Variants in PPP4R4 observed in about 807,000 individuals in gnomAD.
The protein encoded by PPP4R4 is serine/threonine-protein phosphatase 4 regulatory subunit 4.
In PPP4R4, 70 loss-of-function variants were observed where a neutral mutation model predicts 121.8. That is an observed-to-expected ratio of 0.57 (90% CI 0.47 to 0.70). The LOEUF (loss-of-function observed/expected upper bound fraction) is 0.70. PPP4R4 is among the 30% of genes least tolerant of loss of function. The probability of loss-of-function intolerance (pLI) is 0.00; values close to 1 mark genes in which losing one functional copy is unlikely to be tolerated. For synonymous variants in PPP4R4, 348 were observed against 355.7 expected (o/e 0.98, Z 0.24); for missense variants, 875 against 1,033.6 (o/e 0.85, Z 2.10).
At chr14:94,187,100 G>T (rs1039867730) in intron 2 of PPP4R4, among the ~76,000 whole-genome samples, 4 of 151,990 alleles carry the variant, frequency 2.6e-5, no homozygotes, top group Non-Finnish European at 4.4e-5. Context: ...AGATCACAAG[G>T]CAGGAGTTTG....
intron 2 of PPP4R4, among the ~76,000 whole-genome samples, chr14:94,202,451 A>C (rs1029426176): frequency 6.6e-6 from 1 of 152,240 alleles, no homozygotes; most frequent in Non-Finnish European, 1.5e-5. Context: ...GTAATGGTCA[A>C]CATCCCTGCC....
chr14:94,228,546 A>G (rs1040014060), intron 3 of PPP4R4, among the ~76,000 whole-genome samples: 1 of 152,202 alleles, frequency 6.6e-6, no homozygotes, highest in Non-Finnish European at 1.5e-5. Flanking sequence ...CATGATAGAA[A>G]GAGGATTGAG....
intron 2 of PPP4R4, among the ~76,000 whole-genome samples, chr14:94,177,202 C>T (rs1888725738): frequency 6.6e-6 from 1 of 152,112 alleles, no homozygotes; most frequent in East Asian, 1.9e-4. Flanking sequence ...TAGACCATTC[C>T]CTCTGATAAT....
At chr14:94,186,801 A>G (rs1451856249) in intron 2 of PPP4R4, among the ~76,000 whole-genome samples, 1 of 152,122 alleles carries the variant, frequency 6.6e-6, no homozygotes, top group Non-Finnish European at 1.5e-5. Context: ...AGTGGTGTGT[A>G]GTGTTATTTC....
chr14:94,245,596 G>A lies in PPP4R4; in HGVS notation c.1354G>A (p.Ala452Thr), dbSNP rs1458377466. Residue 452 changes from alanine (A) to threonine (T), a missense_variant, in exon 13 of 25, where the codon GCT becomes ACT. By Grantham distance (58) the Ala-to-Thr change is moderately conservative. Coordinates refer to ENST00000304338, the MANE Select transcript of PPP4R4 (RefSeq NM_058237.2). ...LQDESLEVLD[A>T]LIDHLPEILE... ...ATATCTCTGTTAAAAGGTACTAGAT[G>A]CTCTTATAGATCATCTTCCAGAAAT... 1.3e-6 allele frequency: 2 copies of A among 1,577,758 alleles called. No homozygotes were observed. Among genetic ancestry groups the A allele is most frequent in the Non-Finnish European group, 1.7e-6 (2 of 1,151,134 alleles).
intron 16 of PPP4R4, among the ~76,000 whole-genome samples, chr14:94,253,449 G>A (rs1893300319): frequency 6.6e-6 from 1 of 152,178 alleles, no homozygotes; most frequent in African/African-American, 2.4e-5. Context: ...GACAGAGCAA[G>A]ACTTCGTCTC....
At chr14:94,254,150 C>G (rs1377547797) in intron 16 of PPP4R4, among the ~76,000 whole-genome samples, 1 of 152,144 alleles carries the variant, frequency 6.6e-6, no homozygotes, top group East Asian at 1.9e-4. Context: ...AGAATTTGAT[C>G]ATCTCATGGG....
intron 3 of PPP4R4, among the ~76,000 whole-genome samples, chr14:94,222,908 T>A (rs1436288298): frequency 6.6e-6 from 1 of 152,138 alleles, no homozygotes; most frequent in African/African-American, 2.4e-5. Context: ...TATTTCCATG[T>A]CCTTTATCTT....
At chr14:94,238,346 A>G (rs1381209580) in intron 8 of PPP4R4, among the ~76,000 whole-genome samples, 5 of 152,222 alleles carry the variant, frequency 3.3e-5, no homozygotes, top group Admixed American at 6.5e-5. Flanking sequence ...TACATATTCC[A>G]TCTCTCTTTT....
At chr14:94,276,033 C>T (rs1051648880) in intron 24 of PPP4R4, among the ~76,000 whole-genome samples, 4 of 151,158 alleles carry the variant, frequency 2.6e-5, no homozygotes, top group Admixed American at 2.0e-4. Flanking sequence ...CCCATGATTC[C>T]TTTTAATGTG....
intron 16 of PPP4R4, 55 bp from the exon 17 acceptor site, chr14:94,256,405 T>G: frequency 4.9e-6 from 7 of 1,417,846 alleles, no homozygotes; most frequent in Non-Finnish European, 6.7e-6. Flanking sequence ...TGTTTTATGT[T>G]TCTGTTATTC....
intron 3 of PPP4R4, chr14:94,227,559 G>A (rs934246447): frequency 2.0e-5 from 26 of 1,311,144 alleles, no homozygotes; most frequent in South Asian, 2.4e-5. Flanking sequence ...AGGATTTTTC[G>A]AAAATTAAAT....
chr14:94,218,729 C>T (rs1183763412), intron 3 of PPP4R4, among the ~76,000 whole-genome samples: 5 of 115,632 alleles, frequency 4.3e-5, no homozygotes, highest in Non-Finnish European at 9.0e-5. Flanking sequence ...CCCTAGACAC[C>T]GCACGTGCGC....
At chr14:94,227,950 A>G (rs576306229) in intron 3 of PPP4R4, 135 of 875,658 alleles carry the variant, frequency 1.5e-4, no homozygotes, top group Admixed American at 3.7e-4. Context: ...CACTAAAACA[A>G]AGGGGTATGG....
At chr14:94,265,761 A>G (rs769088970) in intron 21 of PPP4R4, 33 bp from the exon 22 acceptor site, 6 of 1,464,570 alleles carry the variant, frequency 4.1e-6, no homozygotes, top group African/African-American at 1.4e-5. Flanking sequence ...GATGAACTGA[A>G]TACATTTTTC....
chr14:94,209,481 T>C (rs1890629353), intron 3 of PPP4R4, among the ~76,000 whole-genome samples: 1 of 152,144 alleles, frequency 6.6e-6, no homozygotes, highest in Admixed American at 6.6e-5. Context: ...CATACCATGT[T>C]ATTTTCATGA....
intron 2 of PPP4R4, among the ~76,000 whole-genome samples, chr14:94,178,707 C>T (rs551597018): frequency 1.3e-4 from 20 of 152,276 alleles, no homozygotes; most frequent in African/African-American, 2.6e-4. Context: ...GTTTTGCATA[C>T]GTGCGATACT....
At chr14:94,268,487 G>C (rs1238308900) in intron 23 of PPP4R4, among the ~76,000 whole-genome samples, 1 of 152,192 alleles carries the variant, frequency 6.6e-6, no homozygotes, top group Admixed American at 6.5e-5. Context: ...AGAACCAAGA[G>C]AGTAGATATG....
intron 15 of PPP4R4, among the ~76,000 whole-genome samples, chr14:94,251,478 A>G (rs1051264233): frequency 6.6e-6 from 1 of 151,286 alleles, no homozygotes; most frequent in Non-Finnish European, 1.5e-5. Flanking sequence ...TGGGTGATAA[A>G]AAGTAGTAAA....
Sources: gnomAD v4.1 joint callset for allele counts (sites outside exome capture counted in the v4.1 genomes callset) on GRCh38, gnomAD v4.1.1 for gene constraint, MANE v1.5 for transcripts, NCBI Gene and HGNC (gene_info 2026-07-23, HGNC 2026-07-21) for gene names.